The following CSMD3 variants were observed in gnomAD, a reference collection of about 807,000 sequenced individuals.
CSMD3 encodes the protein CUB and sushi domain-containing protein 3.
In CSMD3, 177 loss-of-function variants were observed where a neutral mutation model predicts 435.2. That is an observed-to-expected ratio of 0.41 (90% confidence interval 0.36 to 0.46). The LOEUF is 0.46. Among genes scored for constraint, CSMD3 ranks in the 20% least tolerant of loss-of-function variants. The probability of loss-of-function intolerance (pLI) is 0.34; values close to 1 mark genes in which losing one functional copy is unlikely to be tolerated. For synonymous variants in CSMD3, 1,656 were observed against 1,520.5 expected, an observed-to-expected ratio of 1.09 and a Z score of -2.07; for missense variants, 4,265 against 4,504.6, an observed-to-expected ratio of 0.95 and a Z score of 1.52.
intron 68 of CSMD3, 116 bp from the exon 69 acceptor site, chr8:112,231,748 C>G: frequency 1.3e-6 from 1 of 755,694 alleles, no homozygotes. Flanking sequence ...TTCCTTTCTT[C>G]TATATTTTTC....
At chr8:112,231,817 T>G (rs148153999) in intron 68 of CSMD3, among the ~76,000 whole-genome samples, 185 bp from the exon 69 acceptor site, 5 of 152,282 alleles carry the variant, frequency 3.3e-5, no homozygotes, top group African/African-American at 1.2e-4. Flanking sequence ...AAAAGTAAAT[T>G]TTCTAATTTG....
intron 63 of CSMD3, among the ~76,000 whole-genome samples, chr8:112,253,447 A>C (rs1815467168): frequency 6.6e-6 from 1 of 151,950 alleles, no homozygotes; most frequent in Non-Finnish European, 1.5e-5. Context: ...TTAATAACAA[A>C]ATATGGCCCT....
chr8:113,121,680 G>T (rs1180374199), intron 4 of CSMD3, among the ~76,000 whole-genome samples: 2 of 151,970 alleles, frequency 1.3e-5, no homozygotes, highest in Non-Finnish European at 2.9e-5. Flanking sequence ...ATCTAAAATT[G>T]TTGGTTAAAA....
intron 13 of CSMD3, among the ~76,000 whole-genome samples, chr8:112,772,800 T>C (rs919172575): frequency 1.3e-5 from 2 of 152,004 alleles, no homozygotes; most frequent in Non-Finnish European, 2.9e-5. Flanking sequence ...TGCTCTTTAA[T>C]GCATTGAGAT....
At chr8:113,023,095 T>A (rs1426315903) in intron 5 of CSMD3, among the ~76,000 whole-genome samples, 4 of 152,122 alleles carry the variant, frequency 2.6e-5, no homozygotes, top group African/African-American at 9.6e-5. Flanking sequence ...TATTCTTTTT[T>A]TTCTTTAATG....
At chr8:112,348,874 C>T (rs1422793192) in intron 40 of CSMD3, among the ~76,000 whole-genome samples, 1 of 151,724 alleles carries the variant, frequency 6.6e-6, no homozygotes, top group Non-Finnish European at 1.5e-5. Flanking sequence ...TTCTCTTTTG[C>T]CCTGTCTTAT....
At chr8:112,590,407 A>G (rs1197500702) in intron 22 of CSMD3, among the ~76,000 whole-genome samples, 1 of 152,074 alleles carries the variant, frequency 6.6e-6, no homozygotes, top group African/African-American at 2.4e-5. Context: ...AGAATATTCC[A>G]AACAGAAGGA....
At chr8:112,720,241 T>C (rs1050722130) in intron 13 of CSMD3, among the ~76,000 whole-genome samples, 2 of 152,184 alleles carry the variant, frequency 1.3e-5, no homozygotes, top group African/African-American at 2.4e-5. Context: ...CTTCTAACCA[T>C]TGCAACAATT....
chr8:112,235,508 A>G (rs1813487166), intron 67 of CSMD3, among the ~76,000 whole-genome samples: 1 of 152,216 alleles, frequency 6.6e-6, no homozygotes, highest in African/African-American at 2.4e-5. Context: ...AAGCAATGAC[A>G]TAAGGAAGAG....
intron 10 of CSMD3, among the ~76,000 whole-genome samples, chr8:112,877,098 G>A (rs1182544374): frequency 4.6e-5 from 7 of 152,022 alleles, no homozygotes; most frequent in African/African-American, 1.7e-4. Flanking sequence ...ACTGCTCAAG[G>A]AAATAAGAGA....
intron 22 of CSMD3, among the ~76,000 whole-genome samples, chr8:112,612,413 C>T (rs1238330688): frequency 1.3e-5 from 2 of 152,036 alleles, no homozygotes; most frequent in Non-Finnish European, 2.9e-5. Flanking sequence ...GCATTCTCGT[C>T]TTGTATCCAA....
At chr8:113,224,498 T>A (rs891885125) in intron 3 of CSMD3, among the ~76,000 whole-genome samples, 4 of 151,376 alleles carry the variant, frequency 2.6e-5, no homozygotes, top group African/African-American at 9.7e-5. Context: ...GACATTTGTA[T>A]TTTCATTTAA....
chr8:112,342,987 TTATATATATATATTTA>T lies in CSMD3; in HGVS notation c.6443-1317_6443-1302del, dbSNP rs1282011335. ...TGAAATGTATTATATATATATATAT[TTATATATATATATTTA>T]TATATATATATATTTATATATATAT... On this transcript the variant is annotated intron_variant, in intron 41 of 70. Transcript: ENST00000297405. 8.7e-4 allele frequency among the ~76,000 whole-genome samples: 41 copies of T among 47,316 alleles called. 1 individual carries two copies. Among genetic ancestry groups the T allele is most frequent in the African/African-American group, 2.0e-3 (33 of 16,450 alleles). 31.0% of individuals were successfully genotyped at this position (47,316 alleles called of 152,430 possible).
Position 112,685,559 on chromosome 8 carries a change from C to G in CSMD3, c.2329G>C (p.Val777Leu), listed in dbSNP as rs2131804038. 1 of 1,613,968 alleles carries G rather than the reference C, an allele frequency of 6.2e-7. No individual in the cohort carries two copies. The highest frequency in any genetic ancestry group is 8.5e-7 in the Non-Finnish European group (1 of 1,179,954). ...GATTCTGGAGAGTCACCATCTTTAA[C>G]AGCAAGGAAATCAAACTGGGATTCC... ...DLESQFDFLA[V>L]KDGDSPESPI... The change falls in exon 15 of 71, where the codon GTT (valine) becomes CTT (leucine). Residue 777 changes from valine to leucine, a missense_variant. Transcript: ENST00000297405.
At chr8:112,311,793 T>C (rs941133868) in intron 49 of CSMD3, among the ~76,000 whole-genome samples, 1 of 152,202 alleles carries the variant, frequency 6.6e-6, no homozygotes, top group Admixed American at 6.5e-5. Flanking sequence ...CTTTTTCATA[T>C]GTACTTTTGA....
intron 13 of CSMD3, among the ~76,000 whole-genome samples, chr8:112,709,975 C>T (rs758023862): frequency 2.0e-5 from 3 of 151,906 alleles, no homozygotes; most frequent in Non-Finnish European, 4.4e-5. Context: ...TAAATAAGCC[C>T]TTTAATAGTC....
chr8:113,009,185 G>A (rs2086166125), intron 6 of CSMD3, among the ~76,000 whole-genome samples: 1 of 151,626 alleles, frequency 6.6e-6, no homozygotes, highest in African/African-American at 2.4e-5. Flanking sequence ...GAAGGTGAGG[G>A]ATACCAAAGC....
At chr8:113,316,824 C>T (rs553837901) in intron 1 of CSMD3, among the ~76,000 whole-genome samples, 2 of 152,022 alleles carry the variant, frequency 1.3e-5, no homozygotes, top group East Asian at 3.9e-4. Flanking sequence ...TGCTGGATTA[C>T]AGGAGTGAGC....
intron 43 of CSMD3, among the ~76,000 whole-genome samples, chr8:112,337,219 G>A (rs1401359652): frequency 6.6e-6 from 1 of 152,118 alleles, no homozygotes; most frequent in Non-Finnish European, 1.5e-5. Context: ...GAACTCAGTA[G>A]CAGTATCTGG....
Sources: gnomAD v4.1 joint callset for allele counts (sites outside exome capture counted in the v4.1 genomes callset) on GRCh38, gnomAD v4.1.1 for gene constraint, MANE v1.5 for transcripts, NCBI Gene and HGNC (gene_info 2026-07-23, HGNC 2026-07-21) for gene names.